NPW: variants seen among roughly 807,000 people sequenced by gnomAD.
The protein encoded by NPW is neuropeptide W, also known as prepro-neuropeptide W.
NPW carries 8 observed loss-of-function variants against 9.9 expected under a neutral mutation model. The observed-to-expected ratio is 0.81, with a 90% CI of 0.47 to 1.46. The LOEUF (loss-of-function observed/expected upper bound fraction) is 1.46, where lower values mean the gene tolerates loss of function less well. Ranked by LOEUF, NPW falls within the 40% of genes most tolerant of loss-of-function variation. The pLI is 0.00. For synonymous variants in NPW, 134 were observed against 119.9 expected (o/e 1.12, Z -0.77); for missense variants, 287 against 240.3 (o/e 1.19, Z -1.28).
At position 2,020,059 on chromosome 16, in the gene NPW, T is replaced by C; in HGVS notation, c.158T>C (p.Met53Thr). The change falls in exon 1 of 2, where the codon ATG becomes ACG. Residue 53 changes from methionine (M) to threonine (T), a missense_variant. Met to Thr is a moderately conservative substitution (Grantham distance 81, BLOSUM62 -1). Coordinates refer to ENST00000566435, the MANE Select transcript of NPW (RefSeq NM_001099456.3). ...GTGGGCCGCGCCGCTGGCCTGCTCA[T>C]GGGGCTGCGTCGCTCACCCTATCTG... The C allele has an allele frequency of 6.7e-7, 1 of 1,499,356 alleles. No individual in the cohort carries two copies. Among genetic ancestry groups the C allele is most frequent in the Non-Finnish European group, 8.8e-7 (1 of 1,130,812 alleles). The allele number at this position is 1,499,356 out of a possible 1,614,324, so 92.9% of individuals were successfully genotyped here.
At position 2,020,272 on chromosome 16, in the gene NPW, C is replaced by T. The variant is rs2083830752; in HGVS notation, c.371C>T (p.Ala124Val). 1.3e-6 allele frequency: 2 copies of T among 1,536,352 alleles called. No individual in the cohort carries two copies. The highest frequency in any genetic ancestry group is 1.4e-5 in the African/African-American group (1 of 72,610). ...CGGAGCCCGCGCGCCCCAGAGCCTG[C>T]GCTGGAACCGGAGTCCCTGGACTTC... Residue 124 changes from alanine (A) to valine (V), a missense_variant, in exon 1 of 2, where the codon GCG becomes GTG. Ala to Val is a moderately conservative substitution (Grantham distance 64). Transcript: ENST00000566435.
Position 2,019,954 on chromosome 16 carries a change from C to T in NPW, c.53C>T (p.Ala18Val), listed in dbSNP as rs1174192763. 3.6e-6 allele frequency: 5 copies of T among 1,390,404 alleles called. No homozygotes were observed. Among genetic ancestry groups the T allele is most frequent in the Admixed American group, 5.7e-5 (2 of 35,008 alleles). 86.1% of individuals were successfully genotyped at this position (1,390,404 alleles called of 1,614,324 possible). ...GCTCCCGCGAGCCGGCCGCGGCTGG[C>T]ACTGCTGCTGCTTCTGCTCCTGCTG... Residue 18 changes from alanine (A) to valine (V), a missense_variant, in exon 1 of 2, where the codon GCA (alanine) becomes GTA (valine). Coordinates refer to ENST00000566435, the MANE Select transcript of NPW (RefSeq NM_001099456.3).
Position 2,020,154 on chromosome 16 carries a change from C to G in NPW, c.253C>G (p.Arg85Gly), listed in dbSNP as rs1440450629. 1 of 1,578,118 alleles carries G rather than the reference C, an allele frequency of 6.3e-7. No individual in the cohort carries two copies. The highest frequency in any genetic ancestry group is 8.6e-7 in the Non-Finnish European group (1 of 1,165,032). Residue 85 changes from arginine to glycine, a missense_variant, in exon 1 of 2, where the codon CGC (arginine) becomes GGC (glycine). Physicochemically the swap from Arg to Gly is moderately radical, Grantham distance 125. Coordinates refer to ENST00000566435, the MANE Select transcript of NPW (RefSeq NM_001099456.3). The stretch of plus-strand genomic sequence containing the variant: ...CACCCTCTCCCCCGAACCCGCAGCC[C>G]GCGAGGCTCCTCTCCTGCTGCCCTC...
At chr16:2,020,436 A>G in intron 1 of NPW, 97 bp from the exon 2 acceptor site, 3 of 1,297,782 alleles carry the variant, frequency 2.3e-6, no homozygotes, top group South Asian at 1.3e-5. Flanking sequence ...CTCCGCGCCC[A>G]GAAGAGCTTT....
chr16:2,019,964 G>T lies in NPW; in HGVS notation c.63G>T (p.Leu21=). ...GCCGGCCGCGGCTGGCACTGCTGCTGCTTCTGCTCCTGCTGCCGCTGCCCT... is the reference window on the plus strand; with the variant it reads ...GCCGGCCGCGGCTGGCACTGCTGCTTCTTCTGCTCCTGCTGCCGCTGCCCT... The change falls in exon 1 of 2, where the codon CTG becomes CTT. Residue 21 remains leucine (L), a synonymous_variant. Transcript: ENST00000566435. 1 of 1,420,810 alleles carries T rather than the reference G, an allele frequency of 7.0e-7. No individual in the cohort carries two copies. The highest frequency in any genetic ancestry group is 2.6e-5 in the Admixed American group (1 of 38,268). The allele number at this position is 1,420,810 out of a possible 1,614,324, so 88.0% of individuals were successfully genotyped here.
chr16:2,020,707 T>C lies in NPW; in HGVS notation c.*88T>C, dbSNP rs62038791. The C allele has an allele frequency of 2.2e-3, 1,624 of 736,606 alleles. 5 individuals are homozygous for C. Among genetic ancestry groups the C allele is most frequent in the Middle Eastern group, 6.5e-3 (18 of 2,778 alleles). The allele number at this position is 736,606 out of a possible 1,614,324, so 45.6% of individuals were successfully genotyped here. ...CCAGGAGCCGCTCATAGACCCCGCC[T>C]GCCGTCCGGTCAATAAAATCCGCCT... On this transcript the variant is annotated 3_prime_UTR_variant, in exon 2 of 2. Coordinates refer to ENST00000566435, the MANE Select transcript of NPW (RefSeq NM_001099456.3).
At chr16:2,020,499 C>G in intron 1 of NPW, 34 bp from the exon 2 acceptor site, 1 of 1,486,652 alleles carries the variant, frequency 6.7e-7, no homozygotes, top group Non-Finnish European at 9.3e-7. Flanking sequence ...AGGGCCACAG[C>G]CTCCTCCCCA....
chr16:2,020,115 C>T lies in NPW; in HGVS notation c.214C>T (p.Pro72Ser), dbSNP rs772515028. The T allele has an allele frequency of 2.0e-6, 3 of 1,529,106 alleles. No individual in the cohort carries two copies. Among genetic ancestry groups the T allele is most frequent in the East Asian group, 4.8e-5 (2 of 41,656 alleles). 94.7% of individuals were successfully genotyped at this position (1,529,106 alleles called of 1,614,324 possible). A position where few individuals can be genotyped will look rare whatever the true frequency, so the allele number is the denominator to read the frequency against. The change falls in exon 1 of 2, where the codon CCC (proline) becomes TCC (serine). Residue 72 changes from proline (P) to serine (S), a missense_variant. Physicochemically the swap from Pro to Ser is moderately conservative, Grantham distance 74. Transcript: ENST00000566435. Reference sequence around the variant, plus strand: ...CCGCGCGCTGCGCGCGGCCGCCGGGCCCCTGGCCAGGGACACCCTCTCCCC... The same window carrying T: ...CCGCGCGCTGCGCGCGGCCGCCGGGTCCCTGGCCAGGGACACCCTCTCCCC...
chr16:2,020,582 G>A lies in NPW; in HGVS notation c.461G>A (p.Arg154His), dbSNP rs763574522. The A allele has an allele frequency of 3.7e-6, 6 of 1,608,914 alleles. No individual in the cohort carries two copies. Among genetic ancestry groups the A allele is most frequent in the Non-Finnish European group, 5.1e-6 (6 of 1,177,504 alleles). Residue 154 changes from arginine (R) to histidine (H), a missense_variant, in exon 2 of 2, where the codon CGC becomes CAC. By Grantham distance (29) the Arg-to-His change is conservative. Coordinates refer to ENST00000566435, the MANE Select transcript of NPW (RefSeq NM_001099456.3). Reference sequence around the variant, plus strand: ...CCAGCGGTGGACCCCGCAGCAAACCGCCTTGGCCTGCCCTGCCTGGCCCCC... The same window carrying A: ...CCAGCGGTGGACCCCGCAGCAAACCACCTTGGCCTGCCCTGCCTGGCCCCC...
At chr16:2,020,460 C>G in intron 1 of NPW, 73 bp from the exon 2 acceptor site, 2 of 1,356,068 alleles carry the variant, frequency 1.5e-6, no homozygotes, top group Non-Finnish European at 2.1e-6. Context: ...TGGGCAGGCT[C>G]GACCCTGGCA....
Position 2,019,970 on chromosome 16 carries a change from G to T in NPW, c.69G>T (p.Leu23=). ...CGCGGCTGGCACTGCTGCTGCTTCT[G>T]CTCCTGCTGCCGCTGCCCTCCGGCG... The change falls in exon 1 of 2, where the codon CTG becomes CTT. Residue 23 remains leucine, a synonymous_variant. Coordinates refer to ENST00000566435, the MANE Select transcript of NPW (RefSeq NM_001099456.3). 2 of 1,430,462 alleles carry T rather than the reference G, an allele frequency of 1.4e-6. No individual in the cohort carries two copies. Among genetic ancestry groups the T allele is most frequent in the Non-Finnish European group, 1.8e-6 (2 of 1,091,528 alleles). 88.6% of individuals were successfully genotyped at this position (1,430,462 alleles called of 1,614,324 possible).
At position 2,020,650 on chromosome 16, in the gene NPW, G is replaced by A. The variant is rs762581805; in HGVS notation, c.*31G>A. ...TCCCCCGCCCGCCCGTGGCGCCTCC[G>A]CGCCTGACCCAGGAGGAGTGGCCGC... On this transcript the variant is annotated 3_prime_UTR_variant, in exon 2 of 2. Coordinates refer to ENST00000566435, the MANE Select transcript of NPW (RefSeq NM_001099456.3). 27 of 1,439,182 alleles carry A rather than the reference G, an allele frequency of 1.9e-5. No homozygotes were observed. Among genetic ancestry groups the A allele is most frequent in the Non-Finnish European group, 2.5e-5 (26 of 1,037,414 alleles). 89.2% of individuals were successfully genotyped at this position (1,439,182 alleles called of 1,614,324 possible). A position where few individuals can be genotyped will look rare whatever the true frequency, so the allele number is the denominator to read the frequency against.
At position 2,020,308 on chromosome 16, in the gene NPW, G is replaced by A. The variant is rs1163259138; in HGVS notation, c.407G>A (p.Gly136Asp). ...GAGTCCCTGGACTTCAGCGGAGCTGGCCAGGTACGTGAGAGGGGAGAGGCC... is the reference window on the plus strand; with the variant it reads ...GAGTCCCTGGACTTCAGCGGAGCTGACCAGGTACGTGAGAGGGGAGAGGCC... Residue 136 changes from glycine to aspartate, a missense_variant, in exon 1 of 2, where the codon GGC becomes GAC. By Grantham distance (94) the Gly-to-Asp change is moderately conservative. Coordinates refer to ENST00000566435, the MANE Select transcript of NPW (RefSeq NM_001099456.3). 3.3e-6 allele frequency: 5 copies of A among 1,496,024 alleles called. No homozygotes were observed. The highest frequency in any genetic ancestry group is 3.6e-6 in the Non-Finnish European group (4 of 1,120,616). The allele number at this position is 1,496,024 out of a possible 1,614,324, so 92.7% of individuals were successfully genotyped here. A position where few individuals can be genotyped will look rare whatever the true frequency, so the allele number is the denominator to read the frequency against.
chr16:2,019,927 G>C lies in NPW; in HGVS notation c.26G>C (p.Gly9Ala), dbSNP rs905709238. 11 of 1,320,922 alleles carry C rather than the reference G, an allele frequency of 8.3e-6. No homozygotes were observed. The highest frequency in any genetic ancestry group is 1.5e-5 in the African/African-American group (1 of 65,502). The allele number at this position is 1,320,922 out of a possible 1,614,324, so 81.8% of individuals were successfully genotyped here. A position where few individuals can be genotyped will look rare whatever the true frequency, so the allele number is the denominator to read the frequency against. ...CTGGCGTGGCGCCCAGGGGAGCGGG[G>C]GGCTCCCGCGAGCCGGCCGCGGCTG... The change falls in exon 1 of 2, where the codon GGG (glycine) becomes GCG (alanine). Residue 9 changes from glycine (G) to alanine (A), a missense_variant. Coordinates refer to ENST00000566435, the MANE Select transcript of NPW (RefSeq NM_001099456.3).
Position 2,020,606 on chromosome 16 carries a change from C to T in NPW, c.485C>T (p.Pro162Leu). 1 of 1,597,850 alleles carries T rather than the reference C, an allele frequency of 6.3e-7. No homozygotes were observed. Among genetic ancestry groups the T allele is most frequent in the Non-Finnish European group, 8.5e-7 (1 of 1,169,642 alleles). ...CGCCTTGGCCTGCCCTGCCTGGCCC[C>T]CGGACCGTTCTGACAGCGTCCCCCG... The change falls in exon 2 of 2, where the codon CCC (proline) becomes CTC (leucine). Residue 162 changes from proline to leucine, a missense_variant. By Grantham distance (98) the Pro-to-Leu change is moderately conservative (BLOSUM62 -3). Coordinates refer to ENST00000566435, the MANE Select transcript of NPW (RefSeq NM_001099456.3).
chr16:2,019,884 G>C lies in NPW; in HGVS notation c.-18G>C, dbSNP rs1596195129. 1 of 1,219,496 alleles carries C rather than the reference G, an allele frequency of 8.2e-7. No individual in the cohort carries two copies. The highest frequency in any genetic ancestry group is 1.0e-6 in the Non-Finnish European group (1 of 981,032). The allele number at this position is 1,219,496 out of a possible 1,614,324, so 75.5% of individuals were successfully genotyped here. On this transcript the variant is annotated 5_prime_UTR_variant, in exon 1 of 2. Coordinates refer to ENST00000566435, the MANE Select transcript of NPW (RefSeq NM_001099456.3). ...GGTTCGTGGCCCGCCCCGCCGGGCG[G>C]CCGTCGACGCGAGCGCCCTGGCGTG...
Position 2,020,045 on chromosome 16 carries a change from C to A in NPW, c.144C>A (p.Ala48=). The A allele has an allele frequency of 6.6e-7, 1 of 1,505,396 alleles. No individual in the cohort carries two copies. The highest frequency in any genetic ancestry group is 8.8e-7 in the Non-Finnish European group (1 of 1,133,640). 93.3% of individuals were successfully genotyped at this position (1,505,396 alleles called of 1,614,324 possible). A position where few individuals can be genotyped will look rare whatever the true frequency, so the allele number is the denominator to read the frequency against. Residue 48 remains alanine, a synonymous_variant, in exon 1 of 2, where the codon GCC becomes GCA. Transcript: ENST00000566435. ...CCCGCTACCACACGGTGGGCCGCGC[C>A]GCTGGCCTGCTCATGGGGCTGCGTC...
At chr16:2,020,335 G>A (rs956984742) in intron 1 of NPW, 23 bp downstream of exon 1, 9 of 1,458,072 alleles carry the variant, frequency 6.2e-6, no homozygotes, top group Non-Finnish European at 8.2e-6. Flanking sequence ...GGAGAGGCCT[G>A]GACCGCCGCG....
chr16:2,019,973 C>G lies in NPW; in HGVS notation c.72C>G (p.Leu24=). 1 of 1,432,628 alleles carries G rather than the reference C, an allele frequency of 7.0e-7. No homozygotes were observed. Among genetic ancestry groups the G allele is most frequent in the Non-Finnish European group, 9.2e-7 (1 of 1,092,744 alleles). 88.7% of individuals were successfully genotyped at this position (1,432,628 alleles called of 1,614,324 possible). A position where few individuals can be genotyped will look rare whatever the true frequency, so the allele number is the denominator to read the frequency against. The change falls in exon 1 of 2, where the codon CTC becomes CTG. Residue 24 remains leucine (L), a synonymous_variant. Coordinates refer to ENST00000566435, the MANE Select transcript of NPW (RefSeq NM_001099456.3). ...GGCTGGCACTGCTGCTGCTTCTGCTCCTGCTGCCGCTGCCCTCCGGCGCGT... is the reference window on the plus strand; with the variant it reads ...GGCTGGCACTGCTGCTGCTTCTGCTGCTGCTGCCGCTGCCCTCCGGCGCGT...
Sources: allele counts gnomAD v4.1 joint callset, GRCh38; gene constraint gnomAD v4.1.1; transcripts MANE v1.5; gene names NCBI Gene and HGNC (gene_info 2026-07-23, HGNC 2026-07-21).